Variants in MAP2K3 observed in about 807,000 individuals in gnomAD.
MAP2K3 encodes the protein mitogen-activated protein kinase kinase 3.
MAP2K3 carries 30 observed loss-of-function variants against 46.4 expected under a neutral mutation model. The ratio of observed to expected loss-of-function variants is 0.65; its 90% CI spans 0.48 to 0.88. The LOEUF (loss-of-function observed/expected upper bound fraction) is 0.88. Among genes scored for constraint, MAP2K3 ranks in the 40% least tolerant of loss-of-function variants. The pLI, the probability that MAP2K3 is intolerant of heterozygous loss-of-function variation, is 0.00. For missense variants in MAP2K3, 380 were observed against 464.5 expected (o/e 0.82, Z 1.67); for synonymous variants, 189 against 176.3 (o/e 1.07, Z -0.57).
chr17:21,288,070 G>C, intron 1 of MAP2K3: 1 of 1,289,282 alleles, frequency 7.8e-7, no homozygotes, highest in Non-Finnish European at 1.0e-6. Context: ...GGAGAAGGCC[G>C]GGGCAGCGGA....
In MAP2K3 at chr17:21,295,967, A is replaced by G. The variant is rs1433558348; in HGVS notation, c.50-2446A>G. 13 of 1,257,590 alleles carry G rather than the reference A, an allele frequency of 1.0e-5. No individual in the cohort carries two copies. In the Admixed American group the frequency reaches 1.2e-4, roughly 11 times the overall value. The allele number at this position is 1,257,590 out of a possible 1,614,324, so 77.9% of individuals were successfully genotyped here. ...AGGTCAAGGCCCAGGGTCTCTGTGCAGAGCTTTAATTTTTAACAGAAAATA... is the reference window on the plus strand; with the variant it reads ...AGGTCAAGGCCCAGGGTCTCTGTGCGGAGCTTTAATTTTTAACAGAAAATA... On this transcript the variant is annotated intron_variant, in intron 1 of 11. Transcript: ENST00000342679.
At chr17:21,311,112 A>G (rs1160287626) in intron 9 of MAP2K3, among the ~76,000 whole-genome samples, 1 of 152,156 alleles carries the variant, frequency 6.6e-6, no homozygotes, top group African/African-American at 2.4e-5. Context: ...TGAGCTGGAA[A>G]GGGCCTCTAG....
chr17:21,298,827 G>T (rs1329116271), intron 2 of MAP2K3, 51 bp from the exon 3 acceptor site: 1 of 1,613,860 alleles, frequency 6.2e-7, no homozygotes, highest in South Asian at 1.1e-5. Flanking sequence ...TGCTGCACTT[G>T]GGGAAGGGTG....
rs2363196 is a variant in MAP2K3 at position 21,314,242 on chromosome 17, C to G, written c.*12C>G. The G allele has an allele frequency of 3.1e-6, 5 of 1,611,136 alleles. No individual in the cohort carries two copies. In the African/African-American group the frequency reaches 4.0e-5, roughly 13 times the overall value. On this transcript the variant is annotated 3_prime_UTR_variant, in exon 12 of 12. Transcript: ENST00000342679. ...GAGAAGACTCATAGGGGCTGGGCCTCGGACCCCACTCCGGCCCTCCAGAGC... is the reference window on the plus strand; with the variant it reads ...GAGAAGACTCATAGGGGCTGGGCCTGGGACCCCACTCCGGCCCTCCAGAGC...
chr17:21,310,097 C>T (rs72838560), intron 9 of MAP2K3, among the ~76,000 whole-genome samples: 1 of 151,854 alleles, frequency 6.6e-6, no homozygotes, highest in Non-Finnish European at 1.5e-5. Flanking sequence ...CCTCTGCCTC[C>T]TAGGTTCAAG....
intron 1 of MAP2K3, among the ~76,000 whole-genome samples, chr17:21,294,818 C>T (rs1039250456): frequency 6.6e-6 from 1 of 152,310 alleles, no homozygotes; most frequent in Non-Finnish European, 1.5e-5. Context: ...GGAGGTTTGT[C>T]TGTAATCTCC....
At chr17:21,295,117 G>A (rs1035100473) in intron 1 of MAP2K3, among the ~76,000 whole-genome samples, 39 of 152,294 alleles carry the variant, frequency 2.6e-4, no homozygotes, top group African/African-American at 6.3e-4. Context: ...ACAGGGAAGA[G>A]CATTTCAGGC....
In MAP2K3 at chr17:21,302,190, G is replaced by C. The variant is rs368763343; in HGVS notation, c.447G>C (p.Lys149Asn). ...CMELMDTSLD[K>N]FYRKVLDKNM... ...AGCTCATGGACACATCCTTGGACAA[G>C]TTCTACCGGAAGGTGCTGGATAAAA... The change falls in exon 6 of 12, where the codon AAG (lysine) becomes AAC (asparagine). Residue 149 changes from lysine (K) to asparagine (N), a missense_variant. Lys to Asn is a moderately conservative substitution (Grantham distance 94, BLOSUM62 0). This residue lies in a region of MAP2K3 where 294 missense variants were observed against 275.4 expected (regional missense o/e 1.07). Coordinates refer to ENST00000342679, the MANE Select transcript of MAP2K3 (RefSeq NM_145109.3). 7.7e-5 allele frequency: 124 copies of C among 1,609,170 alleles called. No homozygotes were observed. The highest frequency in any genetic ancestry group is 5.0e-4 in the Middle Eastern group (3 of 6,036).
chr17:21,300,867 C>T lies in MAP2K3; in HGVS notation c.280-7C>T, dbSNP rs1976556800. 1.2e-6 allele frequency: 2 copies of T among 1,614,120 alleles called. No homozygotes were observed. Among genetic ancestry groups the T allele is most frequent in the South Asian group, 2.2e-5 (2 of 91,088 alleles). On this transcript the variant is annotated splice_polypyrimidine_tract_variant and splice_region_variant and intron_variant, in intron 4 of 11. Coordinates refer to ENST00000342679, the MANE Select transcript of MAP2K3 (RefSeq NM_145109.3). ...GGCAACCTCTGAATGGCAGTCCTTCCCTGCAGCGGATCCGGGCCACCGTGA... is the reference window on the plus strand; with the variant it reads ...GGCAACCTCTGAATGGCAGTCCTTCTCTGCAGCGGATCCGGGCCACCGTGA...
In MAP2K3 at chr17:21,314,322, C is replaced by T. The variant is rs1597510478; in HGVS notation, c.*92C>T. On this transcript the variant is annotated 3_prime_UTR_variant, in exon 12 of 12. Transcript: ENST00000342679. The stretch of plus-strand genomic sequence containing the variant: ...CACCCACACCATAAGCTACTGCCAT[C>T]CTGGCCCAGGGCATCTGGGAGGAAC... The T allele has an allele frequency of 8.5e-7, 1 of 1,183,172 alleles. No homozygotes were observed. The highest frequency in any genetic ancestry group is 1.3e-6 in the Non-Finnish European group (1 of 799,322). The allele number at this position is 1,183,172 out of a possible 1,614,324, so 73.3% of individuals were successfully genotyped here.
At chr17:21,296,056 T>C in intron 1 of MAP2K3, 1 of 1,289,382 alleles carries the variant, frequency 7.8e-7, no homozygotes, top group Non-Finnish European at 1.0e-6. Flanking sequence ...TTCTCATTAC[T>C]TAGGGCAGTT....
At chr17:21,314,034 G>A in intron 11 of MAP2K3, 113 bp from the exon 12 acceptor site, 1 of 785,616 alleles carries the variant, frequency 1.3e-6, no homozygotes, top group East Asian at 2.4e-5. Flanking sequence ...CTAGAAGGAT[G>A]AGTAGGATTT....
chr17:21,296,295 G>A (rs1230514016), intron 1 of MAP2K3: 5 of 895,922 alleles, frequency 5.6e-6, no homozygotes, highest in African/African-American at 3.5e-5. Context: ...TCGCAGAGCT[G>A]GAGTTTACCA....
intron 1 of MAP2K3, among the ~76,000 whole-genome samples, chr17:21,297,178 G>A (rs1322450480): frequency 2.6e-5 from 4 of 152,424 alleles, no homozygotes; most frequent in East Asian, 1.9e-4. Flanking sequence ...GCTGGGCCCC[G>A]GTGCGTGGCT....
chr17:21,302,179 T>A lies in MAP2K3; in HGVS notation c.436T>A (p.Ser146Thr), dbSNP rs762812560. Residue 146 changes from serine to threonine, a missense_variant, in exon 6 of 12, where the codon TCC becomes ACC. Physicochemically the swap from Ser to Thr is moderately conservative, Grantham distance 58. Coordinates refer to ENST00000342679, the MANE Select transcript of MAP2K3 (RefSeq NM_145109.3). ...GATCTGCATGGAGCTCATGGACACA[T>A]CCTTGGACAAGTTCTACCGGAAGGT... ...VWICMELMDT[S>T]LDKFYRKVLD... 2 of 1,614,068 alleles carry A rather than the reference T, an allele frequency of 1.2e-6. No individual in the cohort carries two copies. The highest frequency in any genetic ancestry group is 1.7e-5 in the Admixed American group (1 of 60,022).
chr17:21,290,761 G>C (rs1172592707), intron 1 of MAP2K3, among the ~76,000 whole-genome samples: 1 of 152,310 alleles, frequency 6.6e-6, no homozygotes, highest in Non-Finnish European at 1.5e-5. Context: ...ACCAGCCTGG[G>C]CAACATAGGG....
intron 10 of MAP2K3, 151 bp downstream of exon 10, chr17:21,312,432 A>G: frequency 1.4e-6 from 1 of 740,628 alleles, no homozygotes; most frequent in Non-Finnish European, 2.0e-6. Context: ...CTGGAGCATG[A>G]GGAGCATTTG....
chr17:21,300,604 T>A lies in MAP2K3; in HGVS notation c.225T>A (p.Tyr75Ter), dbSNP rs1344632491. Reference sequence around the variant, plus strand: ...TCTCAGAACTGGGCCGTGGAGCCTATGGGGTGGTAGAGAAGGTGCGGCACG... The same window carrying A: ...TCTCAGAACTGGGCCGTGGAGCCTAAGGGGTGGTAGAGAAGGTGCGGCACG... ...VTISELGRGA[Y>*]GVVEKVRHAQ... is the part of the protein sequence containing the mutation. The change falls in exon 4 of 12, where the codon TAT becomes TAA. Residue 75 changes from tyrosine to a stop codon, truncating the protein, a stop_gained. Transcript: ENST00000342679. LOFTEE classifies it high-confidence loss of function. 6.2e-7 allele frequency: 1 copy of A among 1,613,228 alleles called. No individual in the cohort carries two copies. The highest frequency in any genetic ancestry group is 2.2e-5 in the East Asian group (1 of 44,868).
At chr17:21,289,653 C>T (rs1291731301) in intron 1 of MAP2K3, among the ~76,000 whole-genome samples, 2 of 152,242 alleles carry the variant, frequency 1.3e-5, no homozygotes, top group Non-Finnish European at 2.9e-5. Context: ...TCTGCAGATG[C>T]CTCCCCGAAG....
Sources: allele counts gnomAD v4.1 joint callset (sites outside exome capture counted in the v4.1 genomes callset), GRCh38; gene constraint gnomAD v4.1.1; regional missense constraint gnomAD v4.1.1; transcripts MANE v1.5; gene names NCBI Gene and HGNC (gene_info 2026-07-23, HGNC 2026-07-21).